Variants in KCTD6 observed in about 807,000 individuals in gnomAD.
KCTD6 encodes the protein potassium channel tetramerization domain containing 6, also known as BTB/POZ domain-containing protein KCTD6.
A neutral mutation model predicts 18.7 loss-of-function variants in KCTD6; 6 were observed. That is an observed-to-expected ratio of 0.32 (90% CI 0.18 to 0.63). The LOEUF (loss-of-function observed/expected upper bound fraction) is 0.63, where lower values mean the gene tolerates loss of function less well. Ranked by LOEUF, KCTD6 falls within the 30% of genes least tolerant of loss-of-function variation. The pLI, the probability that KCTD6 is intolerant of heterozygous loss-of-function variation, is 0.79. For missense variants in KCTD6, 165 were observed against 300.2 expected, an observed-to-expected ratio of 0.55 and a Z score of 3.33; for synonymous variants, 86 against 108.5, an observed-to-expected ratio of 0.79 and a Z score of 1.29.
rs1188438310 is a variant in KCTD6 at position 58,492,836 on chromosome 3, G to A, written c.-44+667G>A. 6.6e-6 allele frequency among the ~76,000 whole-genome samples: 1 copy of A among 152,154 alleles called. No individual in the cohort carries two copies. The highest frequency in any genetic ancestry group is 6.5e-5 in the Admixed American group (1 of 15,280). On this transcript the variant is annotated intron_variant, in intron 1 of 2. Transcript: ENST00000404589. This position sits in a 1 kb window ranked among gnomAD's most constrained non-coding sequence, Gnocchi z 6.1. The stretch of plus-strand genomic sequence containing the variant: ...GGAGGCTGTGTCTGGGGGTGGGACG[G>A]GGAAATGAAACGTGACAGAGATCCT...
chr3:58,500,839 T>C lies in KCTD6; in HGVS notation c.28-107T>C, dbSNP rs1443458257. 3 of 704,102 alleles carry C rather than the reference T, an allele frequency of 4.3e-6. No homozygotes were observed. In the African/African-American group the frequency reaches 5.3e-5, roughly 13 times the overall value. The allele number at this position is 704,102 out of a possible 1,614,324, so 43.6% of individuals were successfully genotyped here. On this transcript the variant is annotated intron_variant, in intron 2 of 2. Coordinates refer to ENST00000404589, the MANE Select transcript of KCTD6 (RefSeq NM_001128214.2). ...CATTAGAGGATTACTAAATACATTA[T>C]AGCCTGAAAGAATCTTGGGCTTTGC...
In KCTD6 at chr3:58,501,009, A is replaced by G. The variant is rs755190923; in HGVS notation, c.91A>G (p.Thr31Ala). Residue 31 changes from threonine (T) to alanine (A), a missense_variant, in exon 3 of 3, where the codon ACG becomes GCG. Thr to Ala is a moderately conservative substitution (Grantham distance 58). Transcript: ENST00000404589. The surrounding 1 kb of genome is among the most constrained non-coding windows in gnomAD (Gnocchi z 9.7). ...HLYTTSLTTL[T>A]RYPDSMLGAM... ...GTATACAACGTCTCTCACCACATTG[A>G]CGCGTTACCCGGATTCCATGCTTGG... 5 of 1,613,330 alleles carry G rather than the reference A, an allele frequency of 3.1e-6. No individual in the cohort carries two copies. Among genetic ancestry groups the G allele is most frequent in the Non-Finnish European group, 4.2e-6 (5 of 1,179,724 alleles).
intron 2 of KCTD6, among the ~76,000 whole-genome samples, chr3:58,499,208 G>A (rs183226234): frequency 2.2e-3 from 333 of 152,280 alleles, no homozygotes; most frequent in Non-Finnish European, 3.5e-3. Flanking sequence ...GACCTCAAAC[G>A]ATCCTCTGCC....
At position 58,493,954 on chromosome 3, in the gene KCTD6, C is replaced by T. The variant is rs1046134697; in HGVS notation, c.-44+1785C>T. On this transcript the variant is annotated intron_variant, in intron 1 of 2. Transcript: ENST00000404589. This position sits in a 1 kb window ranked among gnomAD's most constrained non-coding sequence, Gnocchi z 4.5. Reference sequence around the variant, plus strand: ...TGGGAACCTGTTCTCTTTCCTTGTCCTGATGTGTTACTCTTATAGGCCAAT... The same window carrying T: ...TGGGAACCTGTTCTCTTTCCTTGTCTTGATGTGTTACTCTTATAGGCCAAT... 1 of 152,120 alleles carries T rather than the reference C, an allele frequency of 6.6e-6. No homozygotes were observed. The highest frequency in any genetic ancestry group is 1.5e-5 in the Non-Finnish European group (1 of 68,040). 9.4% of individuals were successfully genotyped at this position (152,120 alleles called of 1,614,324 possible).
rs530150874 is a variant in KCTD6 at position 58,497,647 on chromosome 3, T to G, written c.-43-1066T>G. ...TCATTAGTATCTGAGCATTTCTCAG[T>G]GTCTTAAGGCTGGCTCTCCATGAGT... On this transcript the variant is annotated intron_variant, in intron 1 of 2. Coordinates refer to ENST00000404589, the MANE Select transcript of KCTD6 (RefSeq NM_001128214.2). The surrounding 1 kb of genome is among the most constrained non-coding windows in gnomAD (Gnocchi z 4.2). 2.6e-5 allele frequency: 4 copies of G among 152,342 alleles called. No homozygotes were observed. Among genetic ancestry groups the G allele is most frequent in the African/African-American group, 2.4e-5 (1 of 41,570 alleles). The allele number at this position is 152,342 out of a possible 1,614,324, so 9.4% of individuals were successfully genotyped here.
chr3:58,498,825 T>C lies in KCTD6; in HGVS notation c.27+43T>C. 2.6e-6 allele frequency: 4 copies of C among 1,531,122 alleles called. No homozygotes were observed. Among genetic ancestry groups the C allele is most frequent in the Non-Finnish European group, 3.6e-6 (4 of 1,114,448 alleles). 94.8% of individuals were successfully genotyped at this position (1,531,122 alleles called of 1,614,324 possible). A position where few individuals can be genotyped will look rare whatever the true frequency, so the allele number is the denominator to read the frequency against. ...ATGCATTTTGAAGGCTGGGGAATTA[T>C]TTTTGTGTGTCTTTTTATCCTTATG... On this transcript the variant is annotated intron_variant, in intron 2 of 2. Transcript: ENST00000404589. The surrounding 1 kb of genome is among the most constrained non-coding windows in gnomAD (Gnocchi z 4.6).
rs2063176015 is a variant in KCTD6 at position 58,496,548 on chromosome 3, C to T, written c.-43-2165C>T. Reference sequence around the variant, plus strand: ...TTAAATTGTTTCTTCCTTCTAGAATCCCTTCTCAGGTTGTCCGAATTTTCT... The same window carrying T: ...TTAAATTGTTTCTTCCTTCTAGAATTCCTTCTCAGGTTGTCCGAATTTTCT... On this transcript the variant is annotated intron_variant, in intron 1 of 2. Transcript: ENST00000404589. The surrounding 1 kb of genome is among the most constrained non-coding windows in gnomAD (Gnocchi z 5.1). 6.6e-6 allele frequency among the ~76,000 whole-genome samples: 1 copy of T among 152,174 alleles called. No homozygotes were observed. Among genetic ancestry groups the T allele is most frequent in the South Asian group, 2.1e-4 (1 of 4,824 alleles).
chr3:58,492,723 T>G lies in KCTD6; in HGVS notation c.-44+554T>G, dbSNP rs1156285891. 3.3e-5 allele frequency among the ~76,000 whole-genome samples: 5 copies of G among 152,098 alleles called. No individual in the cohort carries two copies. Among genetic ancestry groups the G allele is most frequent in the African/African-American group, 1.2e-4 (5 of 41,422 alleles). ...CTTTATGCCTAGATTTGTGTGTGTG[T>G]GGTGGCGTTTTTAATGCTTGATGTC... On this transcript the variant is annotated intron_variant, in intron 1 of 2. Coordinates refer to ENST00000404589, the MANE Select transcript of KCTD6 (RefSeq NM_001128214.2). The surrounding 1 kb of genome is among the most constrained non-coding windows in gnomAD (Gnocchi z 6.1).
At position 58,498,410 on chromosome 3, in the gene KCTD6, A is replaced by G. The variant is rs921583647; in HGVS notation, c.-43-303A>G. The G allele has an allele frequency of 6.0e-5, 14 of 234,594 alleles. No homozygotes were observed. The highest frequency in any genetic ancestry group is 2.7e-3 in the Middle Eastern group (2 of 748). The allele number at this position is 234,594 out of a possible 1,614,324, so 14.5% of individuals were successfully genotyped here. On this transcript the variant is annotated intron_variant, in intron 1 of 2. Transcript: ENST00000404589. The surrounding 1 kb of genome is among the most constrained non-coding windows in gnomAD (Gnocchi z 4.6). The stretch of plus-strand genomic sequence containing the variant: ...ATTGATGTTCTAAGAAGAGAGGTAG[A>G]ATTTGAATGACTGGGTTACTTCCTA...
chr3:58,495,289 T>G (rs1387124885), intron 1 of KCTD6, among the ~76,000 whole-genome samples: 1 of 152,224 alleles, frequency 6.6e-6, no homozygotes, highest in Non-Finnish European at 1.5e-5. Flanking sequence ...CACTGGAGAC[T>G]GTGCCAGAAG....
chr3:58,494,622 G>A (rs1287901913), intron 1 of KCTD6, among the ~76,000 whole-genome samples: 2 of 152,150 alleles, frequency 1.3e-5, no homozygotes, highest in Non-Finnish European at 2.9e-5. Flanking sequence ...TAGCAGGAAT[G>A]ATAAACCCAG....
At chr3:58,495,515 T>TTTG (rs761229783) in intron 1 of KCTD6, among the ~76,000 whole-genome samples, 1 of 152,092 alleles carries the variant, frequency 6.6e-6, no homozygotes, top group Non-Finnish European at 1.5e-5. Flanking sequence ...CATGCTTTTT[T>TTTG]TTTGTTTGTT....
At position 58,498,849 on chromosome 3, in the gene KCTD6, T is replaced by C. The variant is rs2063191582; in HGVS notation, c.27+67T>C. Reference sequence around the variant, plus strand: ...ATTTTTGTGTGTCTTTTTATCCTTATGTATTTTTAGGTATATCTTATAAGA... The same window carrying C: ...ATTTTTGTGTGTCTTTTTATCCTTACGTATTTTTAGGTATATCTTATAAGA... On this transcript the variant is annotated intron_variant, in intron 2 of 2. Coordinates refer to ENST00000404589, the MANE Select transcript of KCTD6 (RefSeq NM_001128214.2). The surrounding 1 kb of genome is among the most constrained non-coding windows in gnomAD (Gnocchi z 4.6). 6.0e-6 allele frequency: 8 copies of C among 1,340,510 alleles called. No individual in the cohort carries two copies. The highest frequency in any genetic ancestry group is 4.6e-5 in the East Asian group (2 of 43,038). The allele number at this position is 1,340,510 out of a possible 1,614,324, so 83.0% of individuals were successfully genotyped here. A position where few individuals can be genotyped will look rare whatever the true frequency, so the allele number is the denominator to read the frequency against.
rs2063178715 is a variant in KCTD6 at position 58,497,213 on chromosome 3, A to T, written c.-43-1500A>T. ...TCCACATTTTAGTTGTGTGCTTTGA[A>T]GGATTTGCAAGGTAGAGAAATAGAT... On this transcript the variant is annotated intron_variant, in intron 1 of 2. Coordinates refer to ENST00000404589, the MANE Select transcript of KCTD6 (RefSeq NM_001128214.2). The surrounding 1 kb of genome is among the most constrained non-coding windows in gnomAD (Gnocchi z 4.2). 6.6e-6 allele frequency among the ~76,000 whole-genome samples: 1 copy of T among 152,240 alleles called. No individual in the cohort carries two copies. Among genetic ancestry groups the T allele is most frequent in the Admixed American group, 6.5e-5 (1 of 15,282 alleles).
Position 58,498,576 on chromosome 3 carries a change from C to T in KCTD6, c.-43-137C>T. 2 of 625,006 alleles carry T rather than the reference C, an allele frequency of 3.2e-6. No homozygotes were observed. Among genetic ancestry groups the T allele is most frequent in the Non-Finnish European group, 5.7e-6 (2 of 352,872 alleles). 38.7% of individuals were successfully genotyped at this position (625,006 alleles called of 1,614,324 possible). ...GAATGCTTTCTTCCCCAGATCTTTG[C>T]CCTGTAGTAGGTTTCAGCTGAGCAA... On this transcript the variant is annotated intron_variant, in intron 1 of 2. Transcript: ENST00000404589. This position sits in a 1 kb window ranked among gnomAD's most constrained non-coding sequence, Gnocchi z 4.6.
At position 58,501,236 on chromosome 3, in the gene KCTD6, T is replaced by G; in HGVS notation, c.318T>G (p.Asn106Lys). ...TTGAGCCCTTGATTCAGTGTCTCAATGATCCTAAGCCTTTGTATCCCATGG... is the reference window on the plus strand; with the variant it reads ...TTGAGCCCTTGATTCAGTGTCTCAAGGATCCTAAGCCTTTGTATCCCATGG... Reference protein sequence around the residue: ...YQIEPLIQCLNDPKPLYPMDT... With the variant: ...YQIEPLIQCLKDPKPLYPMDT... The change falls in exon 3 of 3, where the codon AAT becomes AAG. Residue 106 changes from asparagine to lysine, a missense_variant. Around this residue, in one of 2 missense-constraint regions of KCTD6, gnomAD observed 106 missense variants for 230.4 expected, o/e 0.46. Transcript: ENST00000404589. The surrounding 1 kb of genome is among the most constrained non-coding windows in gnomAD (Gnocchi z 9.7). 1 of 1,614,202 alleles carries G rather than the reference T, an allele frequency of 6.2e-7. No individual in the cohort carries two copies. The highest frequency in any genetic ancestry group is 8.5e-7 in the Non-Finnish European group (1 of 1,180,038).
intron 2 of KCTD6, among the ~76,000 whole-genome samples, chr3:58,499,181 G>C (rs2063193378): frequency 6.6e-6 from 1 of 152,112 alleles, no homozygotes; most frequent in African/African-American, 2.4e-5. Flanking sequence ...TGTTGGCCAG[G>C]CTGATCTCGA....
rs184982949 is a variant in KCTD6 at position 58,496,145 on chromosome 3, G to A, written c.-43-2568G>A. On this transcript the variant is annotated intron_variant, in intron 1 of 2. Coordinates refer to ENST00000404589, the MANE Select transcript of KCTD6 (RefSeq NM_001128214.2). The surrounding 1 kb of genome is among the most constrained non-coding windows in gnomAD (Gnocchi z 5.1). ...GCCTTTTTTTGGTGGGGGGGCCTCA[G>A]GAGAATTTTTACAAACCCATTATGA... Among the ~76,000 whole-genome samples the A allele has an allele frequency of 6.6e-6, 1 of 151,746 alleles. No homozygotes were observed. Among genetic ancestry groups the A allele is most frequent in the Non-Finnish European group, 1.5e-5 (1 of 67,948 alleles).
intron 1 of KCTD6, chr3:58,494,479 ATT>A (rs1402709404): frequency 1.3e-5 from 2 of 152,338 alleles, no homozygotes; most frequent in East Asian, 3.9e-4. Flanking sequence ...GTAAAAAAGC[ATT>A]TTTAAAGGGC....
Sources: gnomAD v4.1 joint callset for allele counts (sites outside exome capture counted in the v4.1 genomes callset) on GRCh38, gnomAD v4.1.1 for gene constraint, gnomAD v4.1.1 regional missense constraint, Gnocchi (gnomAD v3.1) non-coding constraint, MANE v1.5 for transcripts, NCBI Gene and HGNC (gene_info 2026-07-23, HGNC 2026-07-21) for gene names.